DOK6: variants seen among roughly 807,000 people sequenced by gnomAD.
DOK6 encodes docking protein 6, also known as downstream of tyrosine kinase 6.
A neutral mutation model predicts 44.0 loss-of-function variants in DOK6; 22 were observed. The ratio of observed to expected loss-of-function variants is 0.50; its 90% CI spans 0.36 to 0.71. DOK6 has a LOEUF of 0.71. Ranked by LOEUF, DOK6 falls within the 30% of genes least tolerant of loss-of-function variation. The pLI is 0.00. For synonymous variants in DOK6, 166 were observed against 145.5 expected, an observed-to-expected ratio of 1.14 and a Z score of -1.01; for missense variants, 340 against 416.4, an observed-to-expected ratio of 0.82 and a Z score of 1.60.
chr18:69,437,331 G>T (rs1428414083), intron 1 of DOK6, among the ~76,000 whole-genome samples: 1 of 152,110 alleles, frequency 6.6e-6, no homozygotes, highest in African/African-American at 2.4e-5. Flanking sequence ...GTTAATTTTT[G>T]TATAAGATGT....
intron 5 of DOK6, among the ~76,000 whole-genome samples, chr18:69,734,317 A>G (rs1198704707): frequency 1.4e-5 from 2 of 145,408 alleles, no homozygotes; most frequent in Non-Finnish European, 3.0e-5. Flanking sequence ...GTTGTTTTTT[A>G]CAAGCTGTCT....
At chr18:69,707,062 G>A (rs1347781134) in intron 5 of DOK6, among the ~76,000 whole-genome samples, 1 of 152,116 alleles carries the variant, frequency 6.6e-6, no homozygotes, top group African/African-American at 2.4e-5. Context: ...TAATGGGATG[G>A]CATGAGTGAA....
At chr18:69,771,159 T>C (rs150407307) in intron 7 of DOK6, among the ~76,000 whole-genome samples, 2,444 of 152,086 alleles carry the variant, frequency 0.016, 56 homozygotes, top group Admixed American at 0.054. Flanking sequence ...ACTCAAGACA[T>C]GAAGAAATAT....
At chr18:69,492,111 T>C (rs745799686) in intron 1 of DOK6, among the ~76,000 whole-genome samples, 9 of 152,216 alleles carry the variant, frequency 5.9e-5, no homozygotes, top group Admixed American at 4.6e-4. Context: ...ACAATTCTAA[T>C]TGTTATCTTA....
intron 7 of DOK6, among the ~76,000 whole-genome samples, chr18:69,826,798 T>A (rs1250460112): frequency 2.0e-5 from 3 of 152,208 alleles, no homozygotes; most frequent in Non-Finnish European, 4.4e-5. Flanking sequence ...AACTTAACTG[T>A]AATAAATAAT....
In DOK6 at chr18:69,507,451, T is replaced by C. The variant is rs138748487; in HGVS notation, c.67-57036T>C. Among the ~76,000 whole-genome samples the C allele has an allele frequency of 2.0e-4, 31 of 152,310 alleles. 1 individual carries two copies. The highest frequency in any genetic ancestry group is 7.2e-4 in the African/African-American group (30 of 41,572). On this transcript the variant is annotated intron_variant, in intron 1 of 7. Transcript: ENST00000382713. ...TCTCATATATTTCAGAATCAGCTCATTGATTTTTACAAAAATGTATTATTT... is the reference window on the plus strand; with the variant it reads ...TCTCATATATTTCAGAATCAGCTCACTGATTTTTACAAAAATGTATTATTT...
intron 1 of DOK6, among the ~76,000 whole-genome samples, chr18:69,416,299 T>G (rs1353045877): frequency 1.3e-5 from 2 of 152,132 alleles, no homozygotes; most frequent in Non-Finnish European, 2.9e-5. Flanking sequence ...CTGAACAGTC[T>G]TAATAGGACA....
chr18:69,600,318 T>C (rs953833779), intron 3 of DOK6, among the ~76,000 whole-genome samples: 1 of 152,192 alleles, frequency 6.6e-6, no homozygotes, highest in Non-Finnish European at 1.5e-5. Flanking sequence ...ATAATATCCC[T>C]TTGCCTAACT....
chr18:69,596,267 A>T (rs548493935), intron 2 of DOK6, among the ~76,000 whole-genome samples: 36 of 151,192 alleles, frequency 2.4e-4, no homozygotes, highest in African/African-American at 7.7e-4. Context: ...ATATTTTTTT[A>T]AAAAATAAAG....
intron 6 of DOK6, among the ~76,000 whole-genome samples, chr18:69,748,687 G>A (rs1979068990): frequency 6.6e-6 from 1 of 152,144 alleles, no homozygotes; most frequent in South Asian, 2.1e-4. Context: ...GGAGTAATAG[G>A]AACATTTTTA....
At chr18:69,799,298 C>G (rs1980836173) in intron 7 of DOK6, among the ~76,000 whole-genome samples, 1 of 151,916 alleles carries the variant, frequency 6.6e-6, no homozygotes, top group African/African-American at 2.4e-5. Context: ...TCGTCAGCAG[C>G]AATATGCTGA....
intron 5 of DOK6, among the ~76,000 whole-genome samples, chr18:69,731,670 AAT>A (rs1391487947): frequency 6.6e-6 from 1 of 152,206 alleles, no homozygotes; most frequent in Non-Finnish European, 1.5e-5. Context: ...GCTCTGAAGA[AAT>A]ATAATTCTTA....
intron 7 of DOK6, among the ~76,000 whole-genome samples, chr18:69,764,764 C>CT (rs1164712006): frequency 6.6e-6 from 1 of 151,980 alleles, no homozygotes; most frequent in Non-Finnish European, 1.5e-5. Context: ...ACTTTGACTC[C>CT]TTTTTTTTAA....
intron 7 of DOK6, among the ~76,000 whole-genome samples, chr18:69,828,900 AGTATGTATG>A (rs1056753426): frequency 1.6e-5 from 2 of 127,876 alleles, no homozygotes; most frequent in African/African-American, 5.3e-5. Flanking sequence ...ATATATATAT[AGTATGTATG>A]TTAGAGAAAG....
At chr18:69,532,132 T>C (rs1230407623) in intron 1 of DOK6, among the ~76,000 whole-genome samples, 1 of 152,228 alleles carries the variant, frequency 6.6e-6, no homozygotes, top group Non-Finnish European at 1.5e-5. Context: ...ACTTCCTGGC[T>C]TCCAGAACTG....
intron 6 of DOK6, among the ~76,000 whole-genome samples, chr18:69,746,875 T>C (rs944466173): frequency 3.9e-5 from 6 of 152,346 alleles, no homozygotes; most frequent in African/African-American, 1.4e-4. Context: ...ATTCCTGCTC[T>C]GGTTTTGTGA....
intron 1 of DOK6, among the ~76,000 whole-genome samples, chr18:69,529,992 T>C (rs76576800): frequency 0.03 from 4,582 of 152,266 alleles, 84 homozygotes; most frequent in Middle Eastern, 0.048. Flanking sequence ...AACCATTACT[T>C]ATCTATCAAA....
chr18:69,586,930 G>T (rs1006492530), intron 2 of DOK6, among the ~76,000 whole-genome samples: 41 of 151,936 alleles, frequency 2.7e-4, no homozygotes, highest in African/African-American at 9.2e-4. Context: ...AATAAATAAA[G>T]AATAAAAAAA....
At chr18:69,647,567 AG>A (rs1305404023) in intron 3 of DOK6, 1 of 152,168 alleles carries the variant, frequency 6.6e-6, no homozygotes, top group African/African-American at 2.4e-5. Flanking sequence ...GTCCTTAAAG[AG>A]GGATCAGGCC....
Sources: allele counts gnomAD v4.1 joint callset (sites outside exome capture counted in the v4.1 genomes callset), GRCh38; gene constraint gnomAD v4.1.1; transcripts MANE v1.5; gene names NCBI Gene and HGNC (gene_info 2026-07-23, HGNC 2026-07-21).